PTPRD: variants seen among roughly 807,000 people sequenced by gnomAD.
PTPRD encodes receptor-type tyrosine-protein phosphatase delta.
A neutral mutation model predicts 214.5 loss-of-function variants in PTPRD; 34 were observed. The ratio of observed to expected loss-of-function variants is 0.16; its 90% CI spans 0.12 to 0.21. The LOEUF is 0.21. Ranked by LOEUF, PTPRD falls within the 10% of genes least tolerant of loss-of-function variation. The pLI is 1.00. For missense variants in PTPRD, 2,545 were observed against 2,398.7 expected (o/e 1.06, Z -1.27); for synonymous variants, 1,128 against 845.7 (o/e 1.33, Z -5.79).
intron 3 of PTPRD, among the ~76,000 whole-genome samples, chr9:10,196,021 T>C (rs2099396620): frequency 6.6e-6 from 1 of 152,116 alleles, no homozygotes; most frequent in Non-Finnish European, 1.5e-5. Flanking sequence ...GGATTGACTA[T>C]AGAAAGGCAA....
intron 11 of PTPRD, among the ~76,000 whole-genome samples, chr9:8,956,123 T>A (rs2099130313): frequency 6.6e-6 from 1 of 151,894 alleles, no homozygotes; most frequent in African/African-American, 2.4e-5. Context: ...AATTACAATG[T>A]CAGAAACATA....
At chr9:8,928,344 T>A (rs2098918961) in intron 11 of PTPRD, among the ~76,000 whole-genome samples, 1 of 152,212 alleles carries the variant, frequency 6.6e-6, no homozygotes, top group Admixed American at 6.5e-5. Flanking sequence ...AGGTCTAACA[T>A]TTAAGTCTTT....
chr9:10,093,836 C>A (rs1563754115), intron 3 of PTPRD, among the ~76,000 whole-genome samples: 1 of 151,350 alleles, frequency 6.6e-6, no homozygotes, highest in Non-Finnish European at 1.5e-5. Flanking sequence ...AATGCAGCAA[C>A]AGAAAAATAA....
At position 8,891,374 on chromosome 9, in the gene PTPRD, C is replaced by T. The variant is rs926409769; in HGVS notation, c.-104+127323G>A. 6.6e-5 allele frequency among the ~76,000 whole-genome samples: 10 copies of T among 151,872 alleles called. No individual in the cohort carries two copies. In the East Asian group the frequency reaches 7.8e-4, roughly 12 times the overall value. Reference sequence around the variant, plus strand: ...GTCTCAATCTCCTGACCTCGTGATCCGCCCGCCTCGGCCTCCCAAAGTGCT... The same window carrying T: ...GTCTCAATCTCCTGACCTCGTGATCTGCCCGCCTCGGCCTCCCAAAGTGCT... On this transcript the variant is annotated intron_variant, in intron 11 of 45. Coordinates refer to ENST00000381196, the MANE Select transcript of PTPRD (RefSeq NM_002839.4).
intron 5 of PTPRD, among the ~76,000 whole-genome samples, chr9:9,934,488 AATTCCTCGACAC>A (rs1165449464): frequency 2.7e-5 from 4 of 147,710 alleles, no homozygotes; most frequent in Admixed American, 6.8e-5. Context: ...GAAATGGATA[AATTCCTCGACAC>A]ATACACTCTC....
intron 5 of PTPRD, among the ~76,000 whole-genome samples, chr9:9,904,984 T>C (rs538000535): frequency 4.6e-5 from 7 of 152,144 alleles, no homozygotes; most frequent in African/African-American, 1.7e-4. Context: ...TTTTGTGTGC[T>C]TAAATCATCT....
intron 2 of PTPRD, among the ~76,000 whole-genome samples, chr9:10,566,473 A>G (rs1347673340): frequency 6.6e-6 from 1 of 152,084 alleles, no homozygotes; most frequent in Non-Finnish European, 1.5e-5. Flanking sequence ...GTAATTTTTA[A>G]AACTTAAGTA....
At chr9:9,206,013 ATTG>A (rs1328473651) in intron 9 of PTPRD, among the ~76,000 whole-genome samples, 2 of 152,212 alleles carry the variant, frequency 1.3e-5, no homozygotes, top group Non-Finnish European at 2.9e-5. Context: ...AAGTGACATA[ATTG>A]TTGTCATTAC....
intron 8 of PTPRD, among the ~76,000 whole-genome samples, chr9:9,428,733 C>T: frequency 6.6e-6 from 1 of 152,144 alleles, no homozygotes; most frequent in Non-Finnish European, 1.5e-5. Context: ...CAAACTAGAA[C>T]TCAGGATTAA....
chr9:10,095,325 T>C (rs1406847926), intron 3 of PTPRD, among the ~76,000 whole-genome samples: 1 of 151,548 alleles, frequency 6.6e-6, no homozygotes, highest in Admixed American at 6.6e-5. Flanking sequence ...TTCATTACTT[T>C]TTCCAGGAGT....
chr9:8,848,335 T>C (rs2097745364), intron 11 of PTPRD, among the ~76,000 whole-genome samples: 1 of 139,562 alleles, frequency 7.2e-6, no homozygotes, highest in African/African-American at 2.7e-5. Context: ...TTTTTTTTTT[T>C]TTTAGTTTTT....
intron 7 of PTPRD, among the ~76,000 whole-genome samples, chr9:9,646,696 C>T (rs1004285521): frequency 6.6e-6 from 1 of 152,118 alleles, no homozygotes; most frequent in African/African-American, 2.4e-5. Context: ...CTAAGACCCT[C>T]AGTGGATGCC....
intron 8 of PTPRD, among the ~76,000 whole-genome samples, chr9:9,430,016 A>G (rs1296124988): frequency 2.0e-5 from 3 of 151,898 alleles, no homozygotes; most frequent in Non-Finnish European, 4.4e-5. Context: ...CTCTCTCACC[A>G]CTCCTATTCA....
chr9:10,332,595 G>C lies in PTPRD; in HGVS notation c.-545+8368C>G, dbSNP rs540410162. On this transcript the variant is annotated intron_variant, in intron 3 of 45. Coordinates refer to ENST00000381196, the MANE Select transcript of PTPRD (RefSeq NM_002839.4). ...TGACATACTACATGCAGCATATAAC[G>C]TGTACTACCTACACCCCATGTTCTA... Among the ~76,000 whole-genome samples the C allele has an allele frequency of 6.3e-4, 95 of 151,788 alleles. 1 individual carries two copies. Among genetic ancestry groups the C allele is most frequent in the Middle Eastern group, 3.4e-3 (1 of 294 alleles).
intron 2 of PTPRD, among the ~76,000 whole-genome samples, chr9:10,483,658 A>G (rs1480783233): frequency 6.6e-6 from 1 of 152,100 alleles, no homozygotes; most frequent in Non-Finnish European, 1.5e-5. Flanking sequence ...ATGGCCAACA[A>G]ACATATGAAA....
At chr9:8,847,179 T>G (rs1285276449) in intron 11 of PTPRD, among the ~76,000 whole-genome samples, 1 of 152,208 alleles carries the variant, frequency 6.6e-6, no homozygotes, top group African/African-American at 2.4e-5. Flanking sequence ...AAAATATTTT[T>G]TTTTTGGTAC....
intron 9 of PTPRD, among the ~76,000 whole-genome samples, chr9:9,325,056 T>C (rs1360650369): frequency 6.6e-6 from 1 of 152,222 alleles, no homozygotes; most frequent in African/African-American, 2.4e-5. Context: ...TCTATATCTC[T>C]GTTTTGGTAC....
chr9:10,019,275 A>C lies in PTPRD; in HGVS notation c.-472+14443T>G, dbSNP rs539059825. On this transcript the variant is annotated intron_variant, in intron 4 of 45. Coordinates refer to ENST00000381196, the MANE Select transcript of PTPRD (RefSeq NM_002839.4). ...TGGCGATCATTAAAAAGTCAGGAAAAAACAGGGGCTGGAGAGGATGTGGAG... is the reference window on the plus strand; with the variant it reads ...TGGCGATCATTAAAAAGTCAGGAAACAACAGGGGCTGGAGAGGATGTGGAG... Among the ~76,000 whole-genome samples, 422 of 152,192 alleles carry C rather than the reference A, an allele frequency of 2.8e-3. 2 individuals carry two copies. Among genetic ancestry groups the C allele is most frequent in the African/African-American group, 9.6e-3 (397 of 41,534 alleles).
chr9:9,235,572 T>C (rs2099966097), intron 9 of PTPRD, among the ~76,000 whole-genome samples: 1 of 152,078 alleles, frequency 6.6e-6, no homozygotes, highest in Non-Finnish European at 1.5e-5. Flanking sequence ...TGAGAAAAGG[T>C]ATCACCCCAT....
Sources: gnomAD v4.1 joint callset for allele counts (sites outside exome capture counted in the v4.1 genomes callset) on GRCh38, gnomAD v4.1.1 for gene constraint, MANE v1.5 for transcripts, NCBI Gene and HGNC (gene_info 2026-07-23, HGNC 2026-07-21) for gene names.